The following RFPL1 variants were observed in gnomAD, a reference collection of about 807,000 sequenced individuals.
The protein encoded by RFPL1 is ret finger protein like 1.
In RFPL1, 6 loss-of-function variants were observed where a neutral mutation model predicts 9.6. The observed-to-expected ratio is 0.62, with a 90% CI of 0.34 to 1.23. The LOEUF (loss-of-function observed/expected upper bound fraction) is 1.23, where lower values mean the gene tolerates loss of function less well. Ranked by LOEUF, RFPL1 falls within the 50% of genes most tolerant of loss-of-function variation. RFPL1 has a pLI of 0.03. For missense variants in RFPL1, 352 were observed against 398.4 expected (o/e 0.88, Z 0.99); for synonymous variants, 145 against 149.4 (o/e 0.97, Z 0.22).
chr22:29,396,335 C>G, the RFPL1 span, among the ~76,000 whole-genome samples: 17 of 152,248 alleles, frequency 1.1e-4, no homozygotes, highest in African/African-American at 4.1e-4. Flanking sequence ...TGTTAGATCT[C>G]TTGCACTCTC....
chr22:29,418,321 C>G, the RFPL1 span, among the ~76,000 whole-genome samples: 1 of 152,150 alleles, frequency 6.6e-6, no homozygotes, highest in Admixed American at 6.6e-5. Context: ...GCTCTACACA[C>G]GACCTGCTTT....
At chr22:29,437,811 A>G, upstream of RFPL1, 1 of 1,359,506 alleles carries the variant, frequency 7.4e-7, no homozygotes, top group East Asian at 2.6e-5. Flanking sequence ...GAATGAGAGA[A>G]ATTCGTAATT....
chr22:29,416,984 T>A, the RFPL1 span, among the ~76,000 whole-genome samples: 1 of 152,120 alleles, frequency 6.6e-6, no homozygotes, highest in Admixed American at 6.5e-5. Flanking sequence ...AATCATCATA[T>A]CCCCTCTCAA....
the RFPL1 span, among the ~76,000 whole-genome samples, chr22:29,415,604 C>A: frequency 1.3e-5 from 2 of 152,346 alleles, no homozygotes; most frequent in East Asian, 3.9e-4. Flanking sequence ...AGAAATGTAG[C>A]AGGATGAGCC....
At position 29,439,170 on chromosome 22, in the gene RFPL1, G is replaced by GAA. The variant is rs1232630699; in HGVS notation, c.373+6_373+7insAA. 4 of 1,613,198 alleles carry GAA rather than the reference G, an allele frequency of 2.5e-6. No individual in the cohort carries two copies. Among genetic ancestry groups the GAA allele is most frequent in the Admixed American group, 1.7e-5 (1 of 59,952 alleles). ...AAGGATGCGGAAGTTCCAAGGTGAG[G>GAA]GATCTGTATACACTGCCCCCTTCCT... On this transcript the variant is annotated splice_region_variant and intron_variant, in intron 1 of 1. Coordinates refer to ENST00000354373, the Ensembl canonical transcript of RFPL1.
At chr22:29,407,617 T>C in the RFPL1 span, among the ~76,000 whole-genome samples, 91 of 152,048 alleles carry the variant, frequency 6.0e-4, 1 homozygote, top group African/African-American at 2.1e-3. Context: ...GATCTATTTC[T>C]CCTGAGTTTT....
At chr22:29,412,254 A>G in the RFPL1 span, among the ~76,000 whole-genome samples, 1 of 152,124 alleles carries the variant, frequency 6.6e-6, no homozygotes, top group Non-Finnish European at 1.5e-5. Context: ...TGGGACAGAT[A>G]AGTTTTCATT....
At chr22:29,419,110 C>G in the RFPL1 span, 1 of 1,386,402 alleles carries the variant, frequency 7.2e-7, no homozygotes, top group Non-Finnish European at 1.0e-6. Flanking sequence ...TAAACCCTCC[C>G]CTGTCAGCCA....
At chr22:29,407,190 G>A in the RFPL1 span, among the ~76,000 whole-genome samples, 1 of 151,652 alleles carries the variant, frequency 6.6e-6, no homozygotes, top group Non-Finnish European at 1.5e-5. Flanking sequence ...ACCTCCCCAG[G>A]TTCAGGGGAT....
chr22:29,426,895 C>T, the RFPL1 span, among the ~76,000 whole-genome samples: 5 of 152,154 alleles, frequency 3.3e-5, no homozygotes, highest in Non-Finnish European at 5.9e-5. Flanking sequence ...AGGGGGACAT[C>T]GAGAGAGGAG....
the RFPL1 span, among the ~76,000 whole-genome samples, chr22:29,395,962 G>C: frequency 6.6e-6 from 1 of 152,076 alleles, no homozygotes; most frequent in Middle Eastern, 3.4e-3. Context: ...AACAGAGCGA[G>C]ACTCTGTCGA....
chr22:29,413,209 T>C, the RFPL1 span, among the ~76,000 whole-genome samples: 1 of 151,894 alleles, frequency 6.6e-6, no homozygotes, highest in South Asian at 2.1e-4. Flanking sequence ...AATTTAAATA[T>C]ATACAATTAA....
the RFPL1 span, among the ~76,000 whole-genome samples, chr22:29,425,121 G>A: frequency 4.7e-5 from 7 of 149,388 alleles, no homozygotes; most frequent in Non-Finnish European, 7.4e-5. Flanking sequence ...GGAGAATGGC[G>A]TGGACCCGGG....
chr22:29,397,139 G>A, the RFPL1 span, among the ~76,000 whole-genome samples: 3 of 148,644 alleles, frequency 2.0e-5, no homozygotes, highest in Admixed American at 6.7e-5. Flanking sequence ...TCGATCTCCT[G>A]ACCTCGTGAT....
chr22:29,425,868 G>C, the RFPL1 span, among the ~76,000 whole-genome samples: 3 of 151,952 alleles, frequency 2.0e-5, no homozygotes, highest in African/African-American at 7.3e-5. Flanking sequence ...ACCCCATCCT[G>C]GGCCACAGAG....
the RFPL1 span, among the ~76,000 whole-genome samples, chr22:29,422,026 A>G: frequency 6.6e-6 from 1 of 152,234 alleles, no homozygotes; most frequent in Non-Finnish European, 1.5e-5. Flanking sequence ...GGCATGTGTC[A>G]GTATCACTTG....
chr22:29,419,628 C>T, the RFPL1 span, among the ~76,000 whole-genome samples: 1 of 151,724 alleles, frequency 6.6e-6, no homozygotes, highest in Non-Finnish European at 1.5e-5. Flanking sequence ...CGTAGTGAAA[C>T]CTCGTTTCTA....
chr22:29,423,560 A>C, the RFPL1 span, among the ~76,000 whole-genome samples: 1 of 152,142 alleles, frequency 6.6e-6, no homozygotes, highest in Non-Finnish European at 1.5e-5. Context: ...CTTTCCCACA[A>C]AAATATCTGC....
At chr22:29,400,606 A>G in the RFPL1 span, among the ~76,000 whole-genome samples, 1 of 151,924 alleles carries the variant, frequency 6.6e-6, no homozygotes, top group Non-Finnish European at 1.5e-5. Flanking sequence ...ATAAAAGTAT[A>G]CTCATCTTTA....
Sources: gnomAD v4.1 joint callset for allele counts (sites outside exome capture counted in the v4.1 genomes callset) on GRCh38, gnomAD v4.1.1 for gene constraint, MANE v1.5 for transcripts, NCBI Gene and HGNC (gene_info 2026-07-23, HGNC 2026-07-21) for gene names.